The following CIMIP1 variants were observed in gnomAD, a reference collection of about 807,000 sequenced individuals.
The protein encoded by CIMIP1 is low in lung cancer 1.
At chr20:58,158,264 C>G in the CIMIP1 span, among the ~76,000 whole-genome samples, 2 of 152,324 alleles carry the variant, frequency 1.3e-5, no homozygotes, top group Middle Eastern at 3.4e-3. Flanking sequence ...CAGACAGAGC[C>G]TGTGGGGTGG....
chr20:58,158,704 A>G, the CIMIP1 span, among the ~76,000 whole-genome samples: 5 of 151,576 alleles, frequency 3.3e-5, no homozygotes, highest in African/African-American at 1.2e-4. Context: ...CCACCTTCCT[A>G]TCCTCTCATT....
chr20:58,158,523 G>T, the CIMIP1 span, among the ~76,000 whole-genome samples: 1 of 152,098 alleles, frequency 6.6e-6, no homozygotes, highest in Non-Finnish European at 1.5e-5. Context: ...GGCGGTGGGT[G>T]CCTGTAGTCC....
chr20:58,157,669 G>T, the CIMIP1 span, among the ~76,000 whole-genome samples: 4 of 152,020 alleles, frequency 2.6e-5, no homozygotes, highest in Non-Finnish European at 4.4e-5. Context: ...GGCCATTGAG[G>T]TTGTATCCGG....
the CIMIP1 span, among the ~76,000 whole-genome samples, chr20:58,154,087 ACC>A: frequency 8.5e-5 from 13 of 152,336 alleles, no homozygotes; most frequent in East Asian, 2.5e-3. Context: ...TGGACACCTC[ACC>A]TGGCCTGGAG....
the CIMIP1 span, among the ~76,000 whole-genome samples, chr20:58,151,475 G>A: frequency 6.6e-5 from 10 of 151,906 alleles, no homozygotes; most frequent in African/African-American, 2.4e-4. Flanking sequence ...GTGCAGTGGC[G>A]CGATCTCGGC....
chr20:58,160,813 C>T, the CIMIP1 span: 12 of 1,611,916 alleles, frequency 7.4e-6, no homozygotes, highest in Admixed American at 3.3e-5. Context: ...CCAAGCAGGG[C>T]GTGCACTGAA....
the CIMIP1 span, among the ~76,000 whole-genome samples, chr20:58,154,265 T>A: frequency 4.6e-5 from 7 of 152,150 alleles, no homozygotes; most frequent in Non-Finnish European, 2.9e-5. Context: ...ACTGGTCCTG[T>A]CCAAAGAGGC....
At chr20:58,153,936 C>T in the CIMIP1 span, among the ~76,000 whole-genome samples, 8 of 152,330 alleles carry the variant, frequency 5.3e-5, 1 homozygote, top group African/African-American at 1.9e-4. Flanking sequence ...AGTCACACAA[C>T]TGATAAGGAC....
the CIMIP1 span, chr20:58,160,990 T>A: frequency 1.6e-6 from 1 of 629,106 alleles, no homozygotes; most frequent in Non-Finnish European, 2.5e-6. Flanking sequence ...TCTCAAGTCA[T>A]CAGCGTCACC....
the CIMIP1 span, chr20:58,160,703 A>G: frequency 0.069 from 111,150 of 1,613,916 alleles, 4,188 homozygotes; most frequent in Middle Eastern, 0.12. Context: ...CCAGGGCTTC[A>G]TCGGCTGGAG....
At chr20:58,151,627 C>T in the CIMIP1 span, among the ~76,000 whole-genome samples, 36 of 152,166 alleles carry the variant, frequency 2.4e-4, no homozygotes, top group Non-Finnish European at 3.5e-4. Flanking sequence ...CTTGGCCAGG[C>T]AGGTCTTGAA....
chr20:58,151,083 G>A, the CIMIP1 span: 5 of 1,505,690 alleles, frequency 3.3e-6, no homozygotes, highest in Non-Finnish European at 4.5e-6. Flanking sequence ...CACCTGAAGT[G>A]TCCACATCTG....
At chr20:58,154,689 T>C in the CIMIP1 span, among the ~76,000 whole-genome samples, 4 of 152,238 alleles carry the variant, frequency 2.6e-5, no homozygotes, top group African/African-American at 9.6e-5. Flanking sequence ...ATTCTTTATA[T>C]GTAATTAAAT....
chr20:58,159,850 A>G, the CIMIP1 span, among the ~76,000 whole-genome samples: 115 of 152,352 alleles, frequency 7.5e-4, 1 homozygote, highest in Non-Finnish European at 4.4e-5. Flanking sequence ...GAGTTCATCA[A>G]GAACATATGC....
the CIMIP1 span, chr20:58,155,324 T>C: frequency 1.6e-6 from 1 of 619,812 alleles, no homozygotes; most frequent in Non-Finnish European, 2.9e-6. Context: ...CACTTCTGTG[T>C]CTATAAAATG....
the CIMIP1 span, chr20:58,155,366 TC>T: frequency 1.1e-6 from 1 of 886,582 alleles, no homozygotes; most frequent in Non-Finnish European, 1.8e-6. Flanking sequence ...GGGAGGACAC[TC>T]CCCCAGCTTC....
At chr20:58,158,359 A>AT in the CIMIP1 span, among the ~76,000 whole-genome samples, 1 of 152,212 alleles carries the variant, frequency 6.6e-6, no homozygotes, top group Non-Finnish European at 1.5e-5. Context: ...TGCCCAAGAA[A>AT]TGGTAATGGT....
the CIMIP1 span, among the ~76,000 whole-genome samples, chr20:58,153,290 C>T: frequency 6.6e-6 from 1 of 152,160 alleles, no homozygotes; most frequent in Non-Finnish European, 1.5e-5. Flanking sequence ...GCAGAATCGG[C>T]CCCCAGACTG....
the CIMIP1 span, among the ~76,000 whole-genome samples, chr20:58,152,546 A>G: frequency 6.6e-6 from 1 of 152,114 alleles, no homozygotes; most frequent in African/African-American, 2.4e-5. Flanking sequence ...AACATGGTGA[A>G]ACCCCATCTC....
Sources: gnomAD v4.1 joint callset for allele counts (sites outside exome capture counted in the v4.1 genomes callset) on GRCh38, gnomAD v4.1.1 for gene constraint, MANE v1.5 for transcripts, NCBI Gene and HGNC (gene_info 2026-07-23, HGNC 2026-07-21) for gene names.